CGNL1: variants seen among roughly 807,000 people sequenced by gnomAD.
CGNL1 encodes the protein cingulin-like protein 1.
A neutral mutation model predicts 141.2 loss-of-function variants in CGNL1; 132 were observed. The observed-to-expected ratio is 0.93, with a 90% CI of 0.81 to 1.08. CGNL1 has a LOEUF of 1.08. Among genes scored for constraint, CGNL1 ranks in the 50% least tolerant of loss-of-function variants. CGNL1 has a pLI of 0.00. For missense variants in CGNL1, 1,870 were observed against 1,588.6 expected (o/e 1.18, Z -3.01); for synonymous variants, 690 against 622.1 (o/e 1.11, Z -1.63).
intron 12 of CGNL1, 42 bp downstream of exon 12, chr15:57,524,793 A>C (rs925118205): frequency 6.3e-7 from 1 of 1,594,186 alleles, no homozygotes; most frequent in Admixed American, 1.7e-5. Flanking sequence ...TCCCTTATTC[A>C]AAGTATCCTT....
intron 7 of CGNL1, among the ~76,000 whole-genome samples, 170 bp from the exon 8 acceptor site, chr15:57,461,510 C>G (rs2063445662): frequency 1.3e-5 from 2 of 152,080 alleles, no homozygotes; most frequent in Non-Finnish European, 2.9e-5. Context: ...CTGAGAAATG[C>G]AGGGGGAGAG....
intron 8 of CGNL1, among the ~76,000 whole-genome samples, chr15:57,472,200 G>C (rs1449848581): frequency 3.3e-5 from 5 of 152,108 alleles, no homozygotes; most frequent in African/African-American, 1.2e-4. Flanking sequence ...GAATTAACTA[G>C]ATTTTTAAAA....
At chr15:57,473,686 C>T (rs1482086280) in intron 8 of CGNL1, among the ~76,000 whole-genome samples, 2 of 152,084 alleles carry the variant, frequency 1.3e-5, no homozygotes. Flanking sequence ...GTTGTAAGTG[C>T]ACTTAAGCAG....
intron 1 of CGNL1, chr15:57,402,638 C>G (rs550516366): frequency 8.5e-5 from 13 of 152,258 alleles, no homozygotes; most frequent in African/African-American, 2.9e-4. Flanking sequence ...AATGAATACC[C>G]CTGCTCTCTG....
At chr15:57,455,476 T>C (rs2063368004) in intron 7 of CGNL1, among the ~76,000 whole-genome samples, 1 of 152,180 alleles carries the variant, frequency 6.6e-6, no homozygotes, top group Non-Finnish European at 1.5e-5. Context: ...TCACTGTGAG[T>C]TGCCCCCTGA....
chr15:57,446,297 T>C (rs2063250446), intron 4 of CGNL1, among the ~76,000 whole-genome samples: 1 of 152,158 alleles, frequency 6.6e-6, no homozygotes, highest in Non-Finnish European at 1.5e-5. Flanking sequence ...TCCATGCAAA[T>C]ACCATCTAGA....
intron 8 of CGNL1, among the ~76,000 whole-genome samples, chr15:57,499,238 CTTTTTTTTT>C (rs201081475): frequency 1.1e-5 from 1 of 91,846 alleles, no homozygotes; most frequent in Non-Finnish European, 2.1e-5. Context: ...AAGTTAATGG[CTTTTTTTTT>C]TTTTTTTTTT....
Position 57,546,227 on chromosome 15 carries a change from A to G in CGNL1, c.3761A>G (p.Lys1254Arg). 2 of 1,584,232 alleles carry G rather than the reference A, an allele frequency of 1.3e-6. No homozygotes were observed. The highest frequency in any genetic ancestry group is 1.7e-6 in the Non-Finnish European group (2 of 1,165,054). Residue 1254 changes from lysine (K) to arginine (R), a missense_variant, in exon 18 of 19, where the codon AAG becomes AGG. Physicochemically the swap from Lys to Arg is conservative, Grantham distance 26 (BLOSUM62 2). Transcript: ENST00000281282. ...CTGCAGGGGCAGCTCAACTCCATGAAGAAGGACTTAAGGTGGGCAGGTGTG... is the reference window on the plus strand; with the variant it reads ...CTGCAGGGGCAGCTCAACTCCATGAGGAAGGACTTAAGGTGGGCAGGTGTG... ...EHLQGQLNSMKKDLRLKKLPS... is the reference protein window; with the variant it reads ...EHLQGQLNSMRKDLRLKKLPS...
At chr15:57,514,831 T>A (rs1052353070) in intron 8 of CGNL1, among the ~76,000 whole-genome samples, 4 of 152,228 alleles carry the variant, frequency 2.6e-5, no homozygotes, top group Non-Finnish European at 5.9e-5. Context: ...GATATCCAGT[T>A]GTAGTGGCAC....
At chr15:57,523,420 C>A in intron 10 of CGNL1, 69 bp from the exon 11 acceptor site, 1 of 1,469,548 alleles carries the variant, frequency 6.8e-7, no homozygotes, top group Non-Finnish European at 9.4e-7. Context: ...ATGAAGTTCC[C>A]TGTGCCACCC....
chr15:57,517,276 C>T (rs1259601039), intron 9 of CGNL1, among the ~76,000 whole-genome samples: 1 of 152,250 alleles, frequency 6.6e-6, no homozygotes, highest in Non-Finnish European at 1.5e-5. Context: ...TTCACACAGG[C>T]ATCCACCTGA....
At chr15:57,464,289 T>G (rs554488572) in intron 8 of CGNL1, among the ~76,000 whole-genome samples, 2 of 152,282 alleles carry the variant, frequency 1.3e-5, no homozygotes, top group Admixed American at 6.5e-5. Context: ...GGGCCCATGT[T>G]GCTAGATCTT....
intron 8 of CGNL1, among the ~76,000 whole-genome samples, chr15:57,466,011 T>C (rs1281433395): frequency 6.6e-6 from 1 of 152,242 alleles, no homozygotes; most frequent in Non-Finnish European, 1.5e-5. Flanking sequence ...TGAATGCCTA[T>C]GTTATGTGGG....
At chr15:57,380,430 G>A (rs570246901) in intron 1 of CGNL1, among the ~76,000 whole-genome samples, 2 of 152,304 alleles carry the variant, frequency 1.3e-5, no homozygotes, top group Non-Finnish European at 2.9e-5. Context: ...GTCAGGTGGG[G>A]ATGTAAACCC....
chr15:57,378,383 T>G (rs1239845631), intron 1 of CGNL1, among the ~76,000 whole-genome samples: 6 of 115,856 alleles, frequency 5.2e-5, no homozygotes, highest in East Asian at 4.5e-4. Context: ...TTTTTTTTTT[T>G]TTTTTTTTTT....
In CGNL1 at chr15:57,494,094, A is replaced by G. The variant is rs2063903385; in HGVS notation, c.2404-22686A>G. ...TGATTGGGGTATGAACCTGAAAATC[A>G]CTTAAAAAATAAATCTGCAAAGCAA... On this transcript the variant is annotated intron_variant, in intron 8 of 18. Coordinates refer to ENST00000281282, the MANE Select transcript of CGNL1 (RefSeq NM_032866.5). Among the ~76,000 whole-genome samples the G allele has an allele frequency of 2.6e-5, 4 of 152,364 alleles. 1 individual carries two copies. In the South Asian group the frequency reaches 8.3e-4, roughly 32 times the overall value.
intron 8 of CGNL1, among the ~76,000 whole-genome samples, chr15:57,472,882 A>G (rs2063600431): frequency 6.6e-6 from 1 of 152,206 alleles, no homozygotes; most frequent in African/African-American, 2.4e-5. Flanking sequence ...AGGCTTTTAT[A>G]ATGGGTCAGC....
chr15:57,420,216 G>A (rs2062898276), intron 1 of CGNL1, among the ~76,000 whole-genome samples: 1 of 152,102 alleles, frequency 6.6e-6, no homozygotes, highest in Non-Finnish European at 1.5e-5. Context: ...CCTTTTATTG[G>A]AGAACTTGTT....
At chr15:57,545,497 C>T in intron 16 of CGNL1, 95 bp from the exon 17 acceptor site, 3 of 1,087,712 alleles carry the variant, frequency 2.8e-6, no homozygotes, top group Non-Finnish European at 4.0e-6. Flanking sequence ...TGACCAGGCA[C>T]CCCTGGCTGG....
Sources: allele counts gnomAD v4.1 joint callset (sites outside exome capture counted in the v4.1 genomes callset), GRCh38; gene constraint gnomAD v4.1.1; transcripts MANE v1.5; gene names NCBI Gene and HGNC (gene_info 2026-07-23, HGNC 2026-07-21).